RABL3: variants seen among roughly 807,000 people sequenced by gnomAD.
RABL3 encodes the protein RAB, member of RAS oncogene family like 3.
Under a neutral mutation model 31.8 loss-of-function variants are expected in RABL3, and 31 were observed. The ratio of observed to expected loss-of-function variants is 0.97; its 90% CI spans 0.73 to 1.31. The LOEUF (loss-of-function observed/expected upper bound fraction) is 1.31, where lower values mean the gene tolerates loss of function less well. RABL3 is among the 40% of genes most tolerant of loss of function. The pLI is 0.00. For missense variants in RABL3, 263 were observed against 279.6 expected, an observed-to-expected ratio of 0.94 and a Z score of 0.42; for synonymous variants, 97 against 99.9, an observed-to-expected ratio of 0.97 and a Z score of 0.18.
chr3:120,730,722 T>C lies in RABL3; in HGVS notation c.112A>G (p.Thr38Ala), dbSNP rs761318972. The change falls in exon 2 of 8, where the codon ACT (threonine) becomes GCT (alanine). Residue 38 changes from threonine to alanine, a missense_variant. By Grantham distance (58) the Thr-to-Ala change is moderately conservative. Transcript: ENST00000273375. Reference sequence around the variant, plus strand: ...CTGACATCCACTGAGCAGCCCACAGTCCATGATGGATTTCCCAGCACTTGA... The same window carrying C: ...CTGACATCCACTGAGCAGCCCACAGCCCATGATGGATTTCCCAGCACTTGA... ...QNQVLGNPSW[T>A]VGCSVDVRVH... 20 of 1,613,692 alleles carry C rather than the reference T, an allele frequency of 1.2e-5. No individual in the cohort carries two copies. In the Admixed American group the frequency reaches 3.0e-4, roughly 24 times the overall value.
intron 6 of RABL3, among the ~76,000 whole-genome samples, chr3:120,693,561 TG>T (rs1429781127): frequency 6.6e-6 from 1 of 152,246 alleles, no homozygotes; most frequent in Non-Finnish European, 1.5e-5. Flanking sequence ...TAAAGTTGTA[TG>T]GCTTTGTGAA....
Position 120,694,157 on chromosome 3 carries a change from T to TC in RABL3, c.601dup (p.Asp201GlyfsTer2), listed in dbSNP as rs1473519615. 1 of 1,600,464 alleles carries TC rather than the reference T, an allele frequency of 6.2e-7. No homozygotes were observed. Among genetic ancestry groups the TC allele is most frequent in the Admixed American group, 1.7e-5 (1 of 59,836 alleles). ...TAACTTAATTGAAACCATTACCTTATCAAAAAACCTACTGAGCTTGACAGC... is the reference window on the plus strand; with the variant it reads ...TAACTTAATTGAAACCATTACCTTATCCAAAAAACCTACTGAGCTTGACAGC... On this transcript the variant is annotated frameshift_variant, in exon 6 of 8. Coordinates refer to ENST00000273375, the MANE Select transcript of RABL3 (RefSeq NM_173825.5). LOFTEE classifies it high-confidence loss of function.
At chr3:120,720,084 C>T (rs996203784) in intron 2 of RABL3, among the ~76,000 whole-genome samples, 5 of 152,188 alleles carry the variant, frequency 3.3e-5, no homozygotes, top group Non-Finnish European at 7.3e-5. Flanking sequence ...GGGTCTGGAG[C>T]GGACCTCCAG....
chr3:120,691,871 C>A (rs990963343), intron 6 of RABL3, among the ~76,000 whole-genome samples: 1 of 151,998 alleles, frequency 6.6e-6, no homozygotes, highest in Admixed American at 6.6e-5. Flanking sequence ...ACACCAAGAC[C>A]ATTCATCCAG....
intron 5 of RABL3, among the ~76,000 whole-genome samples, chr3:120,695,539 T>C (rs980995385): frequency 2.6e-5 from 4 of 152,178 alleles, no homozygotes; most frequent in Admixed American, 1.3e-4. Context: ...AAAATATTAG[T>C]CCTCCTCTCT....
intron 2 of RABL3, chr3:120,722,108 G>C (rs942081155): frequency 6.6e-6 from 1 of 152,038 alleles, no homozygotes; most frequent in Non-Finnish European, 1.5e-5. Context: ...TGACTACCCC[G>C]ACGCATATAC....
chr3:120,690,697 G>A lies in RABL3; in HGVS notation c.607-210C>T, dbSNP rs1040427198. On this transcript the variant is annotated intron_variant, in intron 6 of 7. Coordinates refer to ENST00000273375, the MANE Select transcript of RABL3 (RefSeq NM_173825.5). ...ATAAAAGCCTGCCTCATTCCAAAACGCATTAATGATAGATCAAAAAATAAA... is the reference window on the plus strand; with the variant it reads ...ATAAAAGCCTGCCTCATTCCAAAACACATTAATGATAGATCAAAAAATAAA... 7.9e-5 allele frequency among the ~76,000 whole-genome samples: 12 copies of A among 152,142 alleles called. No homozygotes were observed. The East Asian group carries it at 1.9e-3, about 24-fold the overall frequency.
Position 120,689,775 on chromosome 3 carries a change from G to T in RABL3, c.*48C>A. ...ATAATTGAACACAGCAAGATGAGCT[G>T]TGAAAAACTGCCACTGCTTGCTCAC... On this transcript the variant is annotated 3_prime_UTR_variant, in exon 8 of 8. Coordinates refer to ENST00000273375, the MANE Select transcript of RABL3 (RefSeq NM_173825.5). 1 of 1,291,042 alleles carries T rather than the reference G, an allele frequency of 7.7e-7. No individual in the cohort carries two copies. The highest frequency in any genetic ancestry group is 1.1e-6 in the Non-Finnish European group (1 of 888,420). The allele number at this position is 1,291,042 out of a possible 1,614,324, so 80.0% of individuals were successfully genotyped here.
Position 120,709,786 on chromosome 3 carries a change from CG to C in RABL3, c.261del (p.Val88Ter), listed in dbSNP as rs1289238756. On this transcript the variant is annotated frameshift_variant, in exon 3 of 8. Coordinates refer to ENST00000273375, the MANE Select transcript of RABL3 (RefSeq NM_173825.5). LOFTEE classifies it high-confidence loss of function. ...VKSTRAVFYNSVNGIIFVHDL... is the reference protein window; with the variant it reads ...VKSTRAVFYNXVNGIIFVHDL... The stretch of plus-strand genomic sequence containing the variant: ...AAATTTAAAAATGTTTTACCATTTA[CG>C]GAGTTGTAGAATACTGCTCTTGTGC... The C allele has an allele frequency of 1.9e-6, 3 of 1,607,314 alleles. No homozygotes were observed. Among genetic ancestry groups the C allele is most frequent in the Admixed American group, 1.7e-5 (1 of 58,786 alleles).
intron 2 of RABL3, chr3:120,722,414 A>C (rs1708756415): frequency 6.6e-6 from 1 of 152,224 alleles, no homozygotes; most frequent in Non-Finnish European, 1.5e-5. Context: ...ATTATTTCAT[A>C]ACTTTGTCAA....
chr3:120,703,408 A>T (rs1016804553), intron 4 of RABL3, among the ~76,000 whole-genome samples: 1 of 152,184 alleles, frequency 6.6e-6, no homozygotes, highest in African/African-American at 2.4e-5. Context: ...AAAGTAATAC[A>T]TTTAAACATT....
At chr3:120,740,973 A>G (rs1709035827) in intron 1 of RABL3, among the ~76,000 whole-genome samples, 1 of 152,192 alleles carries the variant, frequency 6.6e-6, no homozygotes, top group African/African-American at 2.4e-5. Context: ...CACAGTTATA[A>G]CCCCAGAACC....
chr3:120,742,602 C>T, upstream of RABL3: 1 of 1,229,500 alleles, frequency 8.1e-7, no homozygotes, highest in African/African-American at 1.5e-5. Context: ...TCATTGGCCA[C>T]TCGGAGCGTG....
chr3:120,727,933 A>G lies in RABL3; in HGVS notation c.138+2763T>C, dbSNP rs145057316. 4.6e-5 allele frequency among the ~76,000 whole-genome samples: 7 copies of G among 152,308 alleles called. No homozygotes were observed. In the East Asian group the frequency reaches 1.4e-3, roughly 29 times the overall value. ...AATAGGAATAGAAGGACATTTCTTT[A>G]ATCTAATCAAATATACCCATAAAAA... On this transcript the variant is annotated intron_variant, in intron 2 of 7. Transcript: ENST00000273375.
intron 6 of RABL3, among the ~76,000 whole-genome samples, chr3:120,692,239 C>T (rs1442419523): frequency 6.6e-6 from 1 of 151,984 alleles, no homozygotes; most frequent in East Asian, 1.9e-4. Flanking sequence ...TGCTCTGTCA[C>T]CCAGGCTGGA....
chr3:120,697,423 C>A (rs999934765), intron 5 of RABL3, among the ~76,000 whole-genome samples: 2 of 152,188 alleles, frequency 1.3e-5, no homozygotes, highest in African/African-American at 2.4e-5. Context: ...CAGTTTTCAA[C>A]CCGTAAGTGC....
rs1708293453 is a variant in RABL3, at chr3:120,685,024, A to T, written c.*4799T>A. Among the ~76,000 whole-genome samples the T allele has an allele frequency of 6.6e-6, 1 of 152,244 alleles. No homozygotes were observed. The highest frequency in any genetic ancestry group is 1.5e-5 in the Non-Finnish European group (1 of 68,044). On this transcript the variant is annotated 3_prime_UTR_variant, in exon 8 of 8. Coordinates refer to ENST00000273375, the MANE Select transcript of RABL3 (RefSeq NM_173825.5). ...AACAATTTTTGAAAACCATCACAAC[A>T]TAGTGTAAGTGCTCTGACAGGAAAG...
intron 4 of RABL3, among the ~76,000 whole-genome samples, chr3:120,703,381 T>G (rs1430057991): frequency 6.6e-6 from 1 of 152,114 alleles, no homozygotes; most frequent in Non-Finnish European, 1.5e-5. Context: ...GAAAATATTT[T>G]GAACTAAATG....
intron 3 of RABL3, among the ~76,000 whole-genome samples, chr3:120,706,332 T>C (rs1708548193): frequency 6.6e-6 from 1 of 152,200 alleles, no homozygotes; most frequent in South Asian, 2.1e-4. Flanking sequence ...CTCTTTATTT[T>C]ACAAGGGCTG....
Sources: allele counts gnomAD v4.1 joint callset (sites outside exome capture counted in the v4.1 genomes callset), GRCh38; gene constraint gnomAD v4.1.1; transcripts MANE v1.5; gene names NCBI Gene and HGNC (gene_info 2026-07-23, HGNC 2026-07-21).